APOBEC3F: variants seen among roughly 807,000 people sequenced by gnomAD.
The protein encoded by APOBEC3F is DNA dC->dU-editing enzyme APOBEC-3F.
Under a neutral mutation model 45.8 loss-of-function variants are expected in APOBEC3F, and 34 were observed. The ratio of observed to expected loss-of-function variants is 0.74; its 90% CI spans 0.57 to 0.99. The LOEUF is 0.99. Among genes scored for constraint, APOBEC3F ranks in the 50% least tolerant of loss-of-function variants. APOBEC3F has a pLI of 0.00. For missense variants in APOBEC3F, 459 were observed against 474.1 expected, an observed-to-expected ratio of 0.97 and a Z score of 0.30; for synonymous variants, 192 against 174.4, an observed-to-expected ratio of 1.10 and a Z score of -0.80.
chr22:39,052,073 G>A lies in APOBEC3F; in HGVS notation c.724-1G>A. 6.2e-7 allele frequency: 1 copy of A among 1,610,952 alleles called. No individual in the cohort carries two copies. Among genetic ancestry groups the A allele is most frequent in the South Asian group, 1.1e-5 (1 of 90,966 alleles). ...CTGCCCTCCTCCTCCTCCTTCCCCA[G>A]GTGGATCCTGAGACCCATTGTCATG... On this transcript the variant is annotated splice_acceptor_variant, in intron 5 of 6. Transcript: ENST00000308521. LOFTEE classifies it high-confidence loss of function.
chr22:39,051,959 T>C, intron 5 of APOBEC3F, 115 bp from the exon 6 acceptor site: 1 of 1,460,602 alleles, frequency 6.8e-7, no homozygotes, highest in Non-Finnish European at 9.3e-7. Context: ...GTCTCAAAAA[T>C]AAATAAGGAA....
intron 2 of APOBEC3F, among the ~76,000 whole-genome samples, chr22:39,044,668 T>G (rs1927111240): frequency 1.3e-5 from 2 of 152,234 alleles, no homozygotes; most frequent in South Asian, 4.1e-4. Flanking sequence ...CGCCCTTGAA[T>G]AAACACGCCA....
intron 5 of APOBEC3F, among the ~76,000 whole-genome samples, chr22:39,050,442 C>T (rs1026087007): frequency 2.0e-5 from 3 of 149,620 alleles, no homozygotes; most frequent in African/African-American, 4.9e-5. Flanking sequence ...GGGAGGGAGC[C>T]GTCTGTGTGC....
intron 2 of APOBEC3F, chr22:39,044,149 C>A: frequency 6.3e-7 from 1 of 1,588,898 alleles, no homozygotes; most frequent in Non-Finnish European, 8.6e-7. Context: ...GTGCGCCCCA[C>A]CACATGGGAC....
At position 39,052,491 on chromosome 22, in the gene APOBEC3F, C is replaced by A. The variant is rs533365436; in HGVS notation, c.1004-86C>A. 11 of 1,568,476 alleles carry A rather than the reference C, an allele frequency of 7.0e-6. No homozygotes were observed. The South Asian group carries it at 1.3e-4, about 19-fold the overall frequency. On this transcript the variant is annotated intron_variant, in intron 6 of 6. Coordinates refer to ENST00000308521, the MANE Select transcript of APOBEC3F (RefSeq NM_145298.6). ...GCCAGTGTCCACTGCAACTGGCAGT[C>A]AGGAGACCTGGGCTTGGAGGGGAGG...
intron 5 of APOBEC3F, 52 bp downstream of exon 5, chr22:39,049,633 T>A: frequency 6.3e-7 from 1 of 1,596,550 alleles, no homozygotes; most frequent in Non-Finnish European, 8.6e-7. Context: ...CAGCTAGGAA[T>A]GCAGAAAACA....
chr22:39,047,381 T>G (rs542659648), intron 4 of APOBEC3F, among the ~76,000 whole-genome samples: 20 of 152,108 alleles, frequency 1.3e-4, no homozygotes, highest in South Asian at 2.1e-4. Context: ...GATGGGCCTG[T>G]GAGGTCACTC....
At chr22:39,047,514 C>T (rs1429365686) in intron 4 of APOBEC3F, among the ~76,000 whole-genome samples, 1 of 152,156 alleles carries the variant, frequency 6.6e-6, no homozygotes, top group East Asian at 1.9e-4. Context: ...AGATCAGGGA[C>T]CACTGCCCGC....
At chr22:39,044,006 CAA>C (rs1195799133) in intron 2 of APOBEC3F, 25 of 1,458,440 alleles carry the variant, frequency 1.7e-5, no homozygotes, top group Non-Finnish European at 2.3e-5. Context: ...GCCTGGGCAA[CAA>C]GAGTGAAACT....
At chr22:39,043,169 T>G in intron 2 of APOBEC3F, 79 bp downstream of exon 2, 1 of 1,506,990 alleles carries the variant, frequency 6.6e-7, no homozygotes, top group Non-Finnish European at 8.9e-7. Context: ...ATAAGTGAAG[T>G]GCCCGGCGGC....
chr22:39,047,533 C>T (rs575712509), intron 4 of APOBEC3F, among the ~76,000 whole-genome samples: 13 of 152,308 alleles, frequency 8.5e-5, no homozygotes, highest in South Asian at 8.3e-4. Flanking sequence ...GCTCTGCCCA[C>T]GGGGCCTCTG....
chr22:39,044,932 C>T lies in APOBEC3F; in HGVS notation c.172-9C>T, dbSNP rs1419996074. 1.2e-6 allele frequency: 2 copies of T among 1,612,582 alleles called. No individual in the cohort carries two copies. The highest frequency in any genetic ancestry group is 1.1e-5 in the South Asian group (1 of 90,984). On this transcript the variant is annotated splice_polypyrimidine_tract_variant and intron_variant, in intron 2 of 6. Transcript: ENST00000308521. Reference sequence around the variant, plus strand: ...TCAGAGCATCCCCTGCCCCCTGCTCCTCTCCCAGGTGTATTCCCAGCCTGA... The same window carrying T: ...TCAGAGCATCCCCTGCCCCCTGCTCTTCTCCCAGGTGTATTCCCAGCCTGA...
rs1179538428 is a variant in APOBEC3F, at chr22:39,054,484, C to G, written c.*1789C>G. Among the ~76,000 whole-genome samples the G allele has an allele frequency of 1.3e-5, 2 of 152,180 alleles. No individual in the cohort carries two copies. Among genetic ancestry groups the G allele is most frequent in the Admixed American group, 6.5e-5 (1 of 15,280 alleles). On this transcript the variant is annotated 3_prime_UTR_variant, in exon 7 of 7. Transcript: ENST00000308521. ...TGACCTCGTGATCCACCCGTCTCGG[C>G]CTCCCAAAGTGCTGGGATTACAGGC...
intron 5 of APOBEC3F, among the ~76,000 whole-genome samples, chr22:39,051,061 A>T (rs1377692025): frequency 6.6e-6 from 1 of 151,864 alleles, no homozygotes; most frequent in Admixed American, 6.6e-5. Flanking sequence ...ACATGGTGAA[A>T]TCCCATCACT....
chr22:39,052,970 TC>T lies in APOBEC3F; in HGVS notation c.*279del. 4 of 434,098 alleles carry T rather than the reference TC, an allele frequency of 9.2e-6. No individual in the cohort carries two copies. Among genetic ancestry groups the T allele is most frequent in the Non-Finnish European group, 1.1e-5 (3 of 282,666 alleles). The allele number at this position is 434,098 out of a possible 1,614,324, so 26.9% of individuals were successfully genotyped here. A position where few individuals can be genotyped will look rare whatever the true frequency, so the allele number is the denominator to read the frequency against. On this transcript the variant is annotated 3_prime_UTR_variant, in exon 7 of 7. Coordinates refer to ENST00000308521, the MANE Select transcript of APOBEC3F (RefSeq NM_145298.6). Reference sequence around the variant, plus strand: ...TGCCCCTAACCTGCCTTTTCCCATCTCCCCAGCATAACCTAATATTTTTTTT... The same window carrying T: ...TGCCCCTAACCTGCCTTTTCCCATCTCCCAGCATAACCTAATATTTTTTTT...
rs148494367 is a variant in APOBEC3F, at chr22:39,051,398, G to A, written c.724-676G>A. On this transcript the variant is annotated intron_variant, in intron 5 of 6. Coordinates refer to ENST00000308521, the MANE Select transcript of APOBEC3F (RefSeq NM_145298.6). ...TAAAAATACAAAAAATTAGCCAGGC[G>A]TGGTGGCGGGCGCCTGTAGTCCCAG... is the stretch of plus-strand genomic sequence containing the variant. Among the ~76,000 whole-genome samples the A allele has an allele frequency of 6.6e-3, 1,004 of 152,030 alleles. 8 individuals are homozygous for A. The highest frequency in any genetic ancestry group is 0.023 in the African/African-American group (954 of 41,500).
rs756754010 is a variant in APOBEC3F, at chr22:39,043,105, T to G, written c.171+15T>G. On this transcript the variant is annotated intron_variant, in intron 2 of 6. Coordinates refer to ENST00000308521, the MANE Select transcript of APOBEC3F (RefSeq NM_145298.6). ...TTCGAGGCCAGGTACCACCCGGACT[T>G]CAATCACTTTGCAGGCAGGAGCTAA... 32 of 1,613,272 alleles carry G rather than the reference T, an allele frequency of 2.0e-5. No homozygotes were observed. The highest frequency in any genetic ancestry group is 5.0e-5 in the Admixed American group (3 of 59,910).
At chr22:39,042,259 C>A (rs2146339160) in intron 1 of APOBEC3F, among the ~76,000 whole-genome samples, 1 of 151,718 alleles carries the variant, frequency 6.6e-6, no homozygotes, top group South Asian at 2.1e-4. Flanking sequence ...AAGGAACTGG[C>A]TGAAAGGTTA....
chr22:39,052,610 A>G lies in APOBEC3F; in HGVS notation c.1037A>G (p.Asn346Ser), dbSNP rs13056825. ...TATTGTTGGGAAAACTTTGTGTACA[A>G]TGATGATGAGCCATTCAAGCCTTGG... ...FKYCWENFVY[N>S]DDEPFKPWKG... is the part of the protein sequence containing the mutation. The change falls in exon 7 of 7, where the codon AAT becomes AGT. Residue 346 changes from asparagine to serine, a missense_variant. Transcript: ENST00000308521. The G allele has an allele frequency of 7.6e-3, 12,268 of 1,613,938 alleles. 63 individuals are homozygous for G. Among genetic ancestry groups the G allele is most frequent in the Admixed American group, 9.1e-3 (546 of 59,954 alleles).
Sources: allele counts gnomAD v4.1 joint callset (sites outside exome capture counted in the v4.1 genomes callset), GRCh38; gene constraint gnomAD v4.1.1; transcripts MANE v1.5; gene names NCBI Gene and HGNC (gene_info 2026-07-23, HGNC 2026-07-21).